Variants in FHIT observed in about 807,000 individuals in gnomAD.
The protein encoded by FHIT is fragile histidine triad diadenosine triphosphatase.
In FHIT, 19 loss-of-function variants were observed where a neutral mutation model predicts 17.9. The observed-to-expected ratio is 1.06, with a 90% CI of 0.74 to 1.56. The LOEUF (loss-of-function observed/expected upper bound fraction) is 1.56, where lower values mean the gene tolerates loss of function less well. Among genes scored for constraint, FHIT ranks in the 40% most tolerant of loss-of-function variants. The probability of loss-of-function intolerance (pLI) is 0.00; values close to 1 mark genes in which losing one functional copy is unlikely to be tolerated. For synonymous variants in FHIT, 81 were observed against 69.7 expected (o/e 1.16, Z -0.81); for missense variants, 248 against 189.2 (o/e 1.31, Z -1.82).
chr3:60,145,141 T>C (rs1700187022), intron 5 of FHIT, among the ~76,000 whole-genome samples: 2 of 139,740 alleles, frequency 1.4e-5, no homozygotes, highest in South Asian at 2.2e-4. Context: ...CACTGTTAGA[T>C]TGTCCACCTA....
chr3:60,027,439 G>C (rs1047232428), intron 5 of FHIT, among the ~76,000 whole-genome samples: 1 of 152,080 alleles, frequency 6.6e-6, no homozygotes, highest in Non-Finnish European at 1.5e-5. Flanking sequence ...TGGGGAATCA[G>C]ACATCGGCCC....
Position 59,997,629 on chromosome 3 carries a change from T to A in FHIT, c.279+13742A>T, listed in dbSNP as rs143024856. On this transcript the variant is annotated intron_variant, in intron 7 of 9. Transcript: ENST00000492590. ...TCAGTATGTGAACCTTAAAAACTAA[T>A]GTTGGTTATTCTGTTTAAAGAGAAG... 1.4e-3 allele frequency among the ~76,000 whole-genome samples: 218 copies of A among 152,284 alleles called. 1 individual carries two copies. Among genetic ancestry groups the A allele is most frequent in the Middle Eastern group, 6.8e-3 (2 of 294 alleles).
At chr3:60,819,431 G>A (rs897030426) in intron 4 of FHIT, among the ~76,000 whole-genome samples, 2 of 152,124 alleles carry the variant, frequency 1.3e-5, no homozygotes, top group Non-Finnish European at 2.9e-5. Flanking sequence ...GACTACCAGT[G>A]ATTATCTACA....
intron 5 of FHIT, among the ~76,000 whole-genome samples, chr3:60,110,152 G>A (rs961376454): frequency 5.9e-5 from 9 of 152,126 alleles, no homozygotes; most frequent in African/African-American, 1.9e-4. Context: ...ATGAGGACAC[G>A]GGGGGTTGGG....
intron 5 of FHIT, among the ~76,000 whole-genome samples, chr3:60,063,375 C>T (rs1168282600): frequency 6.6e-6 from 1 of 152,116 alleles, no homozygotes; most frequent in East Asian, 1.9e-4. Context: ...GATACATCAC[C>T]ATAGCATATG....
chr3:59,936,149 G>A (rs775335824), intron 7 of FHIT, among the ~76,000 whole-genome samples: 7 of 152,004 alleles, frequency 4.6e-5, no homozygotes, highest in Non-Finnish European at 1.0e-4. Context: ...ACTTCATTAA[G>A]AGCTACTGTG....
intron 5 of FHIT, among the ~76,000 whole-genome samples, chr3:60,456,693 C>T (rs1576686114): frequency 6.6e-6 from 1 of 152,142 alleles, no homozygotes; most frequent in Non-Finnish European, 1.5e-5. Flanking sequence ...TTACTGATAT[C>T]AGCACTGAAG....
intron 8 of FHIT, among the ~76,000 whole-genome samples, chr3:59,890,458 T>G (rs1703806480): frequency 6.6e-6 from 1 of 152,180 alleles, no homozygotes; most frequent in South Asian, 2.1e-4. Flanking sequence ...AAGGAAAGGC[T>G]GGGTTTAGGG....
intron 2 of FHIT, among the ~76,000 whole-genome samples, chr3:61,087,135 C>G (rs966977389): frequency 2.6e-5 from 4 of 152,138 alleles, no homozygotes; most frequent in Non-Finnish European, 5.9e-5. Flanking sequence ...CTTCTCAAGA[C>G]AATTTATCTA....
chr3:60,664,290 A>T (rs1406468516), intron 4 of FHIT, among the ~76,000 whole-genome samples: 3 of 152,144 alleles, frequency 2.0e-5, no homozygotes, highest in African/African-American at 7.2e-5. Context: ...TAATTTTAAA[A>T]TGTTGAACCA....
chr3:59,986,107 A>G (rs533541494), intron 7 of FHIT, among the ~76,000 whole-genome samples: 16 of 152,236 alleles, frequency 1.1e-4, no homozygotes, highest in Non-Finnish European at 1.8e-4. Context: ...AAAAGAAAAA[A>G]GCACTATCAA....
intron 5 of FHIT, among the ~76,000 whole-genome samples, chr3:60,431,292 A>G (rs1459631687): frequency 6.6e-6 from 1 of 151,634 alleles, no homozygotes; most frequent in Non-Finnish European, 1.5e-5. Flanking sequence ...ATTTCTTTTT[A>G]TGATGTTGGC....
At chr3:60,415,543 ACT>A (rs1407865494) in intron 5 of FHIT, among the ~76,000 whole-genome samples, 1 of 152,114 alleles carries the variant, frequency 6.6e-6, no homozygotes, top group African/African-American at 2.4e-5. Flanking sequence ...ATATCTTGAG[ACT>A]CTGAAAAATC....
At chr3:60,025,298 C>T (rs185402361) in intron 5 of FHIT, among the ~76,000 whole-genome samples, 14 of 152,260 alleles carry the variant, frequency 9.2e-5, no homozygotes, top group South Asian at 2.1e-4. Context: ...CATATGTGCA[C>T]GCACACACAT....
At chr3:59,814,727 G>C (rs1700533872) in intron 8 of FHIT, among the ~76,000 whole-genome samples, 1 of 152,142 alleles carries the variant, frequency 6.6e-6, no homozygotes, top group South Asian at 2.1e-4. Context: ...CTAGGAGCTT[G>C]AAAAGACAGT....
At chr3:59,932,991 G>A (rs1706051182) in intron 7 of FHIT, among the ~76,000 whole-genome samples, 1 of 151,838 alleles carries the variant, frequency 6.6e-6, no homozygotes, top group Non-Finnish European at 1.5e-5. Flanking sequence ...CACTTCCAAA[G>A]GGCAAAAACA....
At chr3:59,982,496 C>T (rs1708698020) in intron 7 of FHIT, among the ~76,000 whole-genome samples, 1 of 152,170 alleles carries the variant, frequency 6.6e-6, no homozygotes, top group Non-Finnish European at 1.5e-5. Context: ...AGTATATTAT[C>T]AATAACTAAC....
intron 4 of FHIT, among the ~76,000 whole-genome samples, chr3:60,674,075 G>A (rs2040568874): frequency 6.6e-6 from 1 of 151,938 alleles, no homozygotes; most frequent in African/African-American, 2.4e-5. Flanking sequence ...ACAGATCACT[G>A]AAGATTCATA....
At chr3:60,594,012 C>A (rs1391185394) in intron 4 of FHIT, among the ~76,000 whole-genome samples, 1 of 152,116 alleles carries the variant, frequency 6.6e-6, no homozygotes, top group Non-Finnish European at 1.5e-5. Context: ...AATTAGGCTT[C>A]TCTGAAAGCC....
Sources: allele counts gnomAD v4.1 joint callset (sites outside exome capture counted in the v4.1 genomes callset), GRCh38; gene constraint gnomAD v4.1.1; transcripts MANE v1.5; gene names NCBI Gene and HGNC (gene_info 2026-07-23, HGNC 2026-07-21).